PCDHGA1: variants seen among roughly 807,000 people sequenced by gnomAD.
PCDHGA1 encodes the protein protocadherin gamma subfamily A, 1, also known as protocadherin gamma-A1.
A neutral mutation model predicts 58.0 loss-of-function variants in PCDHGA1; 32 were observed. The observed-to-expected ratio is 0.55, with a 90% confidence interval of 0.42 to 0.74. The LOEUF is 0.74. Among genes scored for constraint, PCDHGA1 ranks in the 30% least tolerant of loss-of-function variants. The pLI is 0.00. For missense variants in PCDHGA1, 1,205 were observed against 1,182.3 expected, an observed-to-expected ratio of 1.02 and a Z score of -0.28; for synonymous variants, 498 against 501.1, an observed-to-expected ratio of 0.99 and a Z score of 0.08.
At chr5:141,415,551 C>T (rs745641887) in intron 1 of PCDHGA1, 1 of 1,614,132 alleles carries the variant, frequency 6.2e-7, no homozygotes, top group South Asian at 1.1e-5. Context: ...GTGAGAAAAA[C>T]GATCCTTTGT....
chr5:141,504,380 C>T (rs943816582), intron 2 of PCDHGA1, among the ~76,000 whole-genome samples: 1 of 152,088 alleles, frequency 6.6e-6, no homozygotes, highest in African/African-American at 2.4e-5. Flanking sequence ...GGTGGAGTCG[C>T]TGCCTCACAG....
At chr5:141,466,036 G>A (rs981390655) in intron 1 of PCDHGA1, among the ~76,000 whole-genome samples, 17 of 152,064 alleles carry the variant, frequency 1.1e-4, no homozygotes, top group Non-Finnish European at 2.5e-4. Flanking sequence ...GCAGGAGAAC[G>A]GCATGAACCC....
chr5:141,408,174 C>T, intron 1 of PCDHGA1: 3 of 1,531,244 alleles, frequency 2.0e-6, no homozygotes, highest in Non-Finnish European at 1.8e-6. Flanking sequence ...ACTGGAAAAG[C>T]GGGGACCCAG....
chr5:141,331,823 G>A lies in PCDHGA1; in HGVS notation c.1139G>A (p.Gly380Asp). ...CATGACCAGGACTCAGGAGACAATG[G>A]CTACACCACATGTTTCATTCCTGGA... ...SVHDQDSGDN[G>D]YTTCFIPGNL... The change falls in exon 1 of 4, where the codon GGC (glycine) becomes GAC (aspartate). Residue 380 changes from glycine to aspartate, a missense_variant. Transcript: ENST00000517417. 1 of 1,614,094 alleles carries A rather than the reference G, an allele frequency of 6.2e-7. No homozygotes were observed. Among genetic ancestry groups the A allele is most frequent in the Non-Finnish European group, 8.5e-7 (1 of 1,180,014 alleles).
intron 1 of PCDHGA1, chr5:141,355,410 T>G: frequency 6.2e-7 from 1 of 1,614,014 alleles, no homozygotes; most frequent in Non-Finnish European, 8.5e-7. Flanking sequence ...TCTCCAGAGG[T>G]AGGACGCAGC....
intron 1 of PCDHGA1, among the ~76,000 whole-genome samples, chr5:141,343,674 A>C (rs1007749494): frequency 6.6e-6 from 1 of 152,240 alleles, no homozygotes; most frequent in African/African-American, 2.4e-5. Flanking sequence ...AATTATGTTC[A>C]ATCAACACTA....
At chr5:141,389,765 G>C in intron 1 of PCDHGA1, 1 of 1,612,992 alleles carries the variant, frequency 6.2e-7, no homozygotes, top group Non-Finnish European at 8.5e-7. Context: ...TGCGCACAGC[G>C]CGTGCCTTAG....
At chr5:141,464,618 C>G (rs1425657373) in intron 1 of PCDHGA1, among the ~76,000 whole-genome samples, 2 of 152,092 alleles carry the variant, frequency 1.3e-5, no homozygotes, top group Non-Finnish European at 2.9e-5. Context: ...AGTATATTGT[C>G]AAGCTTTTTA....
At chr5:141,408,978 C>A (rs1444971938) in intron 1 of PCDHGA1, 1 of 1,613,862 alleles carries the variant, frequency 6.2e-7, no homozygotes, top group African/African-American at 1.3e-5. Context: ...CCCCCTGGGT[C>A]CCCTGTGTTG....
chr5:141,421,527 GTCC>G (rs2096581302), intron 1 of PCDHGA1: 1 of 1,614,050 alleles, frequency 6.2e-7, no homozygotes, highest in African/African-American at 1.3e-5. Flanking sequence ...GTGAGACGGT[GTCC>G]TCCTGTTTTT....
At chr5:141,460,132 T>TAAAA in intron 1 of PCDHGA1, among the ~76,000 whole-genome samples, 1 of 152,036 alleles carries the variant, frequency 6.6e-6, no homozygotes, top group South Asian at 2.1e-4. Context: ...GTAATATATA[T>TAAAA]ATTCTTGATG....
intron 1 of PCDHGA1, among the ~76,000 whole-genome samples, chr5:141,434,054 C>T (rs1241950753): frequency 6.6e-6 from 1 of 152,094 alleles, no homozygotes; most frequent in Non-Finnish European, 1.5e-5. Flanking sequence ...ATTCAATGGC[C>T]TGTAATCTGT....
chr5:141,394,961 G>A, intron 1 of PCDHGA1: 1 of 1,613,920 alleles, frequency 6.2e-7, no homozygotes, highest in Non-Finnish European at 8.5e-7. Flanking sequence ...GGCTCAGGCT[G>A]AGGCGCTGGC....
chr5:141,495,735 T>C (rs1595351919), intron 2 of PCDHGA1, among the ~76,000 whole-genome samples: 1 of 152,044 alleles, frequency 6.6e-6, no homozygotes, highest in Admixed American at 6.5e-5. Context: ...CCTTAGTCTC[T>C]TTCTCCTTCT....
chr5:141,351,952 G>C, intron 1 of PCDHGA1: 2 of 1,613,070 alleles, frequency 1.2e-6, no homozygotes, highest in South Asian at 2.2e-5. Context: ...CCGCGCTGGG[G>C]CCTGATGGCT....
intron 1 of PCDHGA1, chr5:141,338,723 GT>G: frequency 1.1e-6 from 1 of 888,106 alleles, no homozygotes; most frequent in Non-Finnish European, 1.5e-6. Context: ...GAGCGTCGCT[GT>G]TGACCACCTA....
intron 1 of PCDHGA1, chr5:141,340,917 A>G: frequency 6.2e-7 from 1 of 1,613,674 alleles, no homozygotes; most frequent in South Asian, 1.1e-5. Context: ...ATCCAGGACC[A>G]CGGCCAGCCC....
intron 1 of PCDHGA1, chr5:141,384,846 C>T: frequency 1.2e-6 from 2 of 1,613,586 alleles, no homozygotes; most frequent in Non-Finnish European, 1.7e-6. Context: ...TCCAGGACCA[C>T]GGTCAGCCTC....
intron 1 of PCDHGA1, chr5:141,357,401 G>T (rs1456227012): frequency 1.2e-6 from 2 of 1,614,250 alleles, no homozygotes; most frequent in Non-Finnish European, 1.7e-6. Context: ...AGGTTGGCAG[G>T]TGTGCCTGCC....
Sources: gnomAD v4.1 joint callset for allele counts (sites outside exome capture counted in the v4.1 genomes callset) on GRCh38, gnomAD v4.1.1 for gene constraint, MANE v1.5 for transcripts, NCBI Gene and HGNC (gene_info 2026-07-23, HGNC 2026-07-21) for gene names.